Variants in MYLK observed in about 807,000 individuals in gnomAD.
MYLK encodes the protein myosin light chain kinase, smooth muscle.
In MYLK, 106 loss-of-function variants were observed where a neutral mutation model predicts 203.4. That is an observed-to-expected ratio of 0.52 (90% confidence interval 0.45 to 0.61). The LOEUF is 0.61. Among genes scored for constraint, MYLK ranks in the 20% least tolerant of loss-of-function variants. The pLI is 0.00. For synonymous variants in MYLK, 867 were observed against 959.5 expected (o/e 0.90, Z 1.78); for missense variants, 2,072 against 2,442.3 (o/e 0.85, Z 3.20).
intron 2 of MYLK, among the ~76,000 whole-genome samples, chr3:123,859,544 C>T (rs1299296974): frequency 6.6e-6 from 1 of 152,192 alleles, no homozygotes; most frequent in African/African-American, 2.4e-5. Context: ...CTTAATCAGT[C>T]ACAAGCCATG....
At chr3:123,712,107 C>G (rs774268868) in intron 13 of MYLK, among the ~76,000 whole-genome samples, 1 of 152,208 alleles carries the variant, frequency 6.6e-6, no homozygotes, top group Non-Finnish European at 1.5e-5. Context: ...AGATGGGGCT[C>G]TCAGGCCCCT....
At chr3:123,858,705 A>G (rs2031632459) in intron 2 of MYLK, among the ~76,000 whole-genome samples, 1 of 152,186 alleles carries the variant, frequency 6.6e-6, no homozygotes, top group Admixed American at 6.5e-5. Flanking sequence ...GAATGGATTT[A>G]TCCATTCATG....
intron 4 of MYLK, among the ~76,000 whole-genome samples, chr3:123,769,492 T>C (rs1186945405): frequency 6.6e-6 from 1 of 152,252 alleles, no homozygotes; most frequent in Non-Finnish European, 1.5e-5. Context: ...ACACTCAGCA[T>C]GGCCACTTCC....
chr3:123,778,113 T>C (rs1048613819), intron 4 of MYLK, among the ~76,000 whole-genome samples: 1 of 152,090 alleles, frequency 6.6e-6, no homozygotes, highest in South Asian at 2.1e-4. Context: ...TTAATCTATA[T>C]GATGATGCAT....
chr3:123,645,518 C>T (rs189993943), intron 27 of MYLK, among the ~76,000 whole-genome samples: 343 of 152,264 alleles, frequency 2.3e-3, no homozygotes, highest in Middle Eastern at 6.8e-3. Flanking sequence ...ACAGAGACCC[C>T]CCAAGTTCAG....
intron 4 of MYLK, among the ~76,000 whole-genome samples, chr3:123,786,919 G>A (rs1306135685): frequency 2.0e-5 from 3 of 152,100 alleles, no homozygotes; most frequent in Non-Finnish European, 4.4e-5. Context: ...CATTATTAAT[G>A]GTGGCCACCT....
At chr3:123,876,139 G>A (rs1475280794) in intron 2 of MYLK, among the ~76,000 whole-genome samples, 1 of 151,778 alleles carries the variant, frequency 6.6e-6, no homozygotes, top group Non-Finnish European at 1.5e-5. Flanking sequence ...GACTACAGAT[G>A]TAAAAAACCA....
chr3:123,699,979 G>C, intron 18 of MYLK, 41 bp downstream of exon 18: 1 of 1,613,910 alleles, frequency 6.2e-7, no homozygotes, highest in Non-Finnish European at 8.5e-7. Flanking sequence ...AGTGGCCCTG[G>C]TACAGAGGCC....
intron 2 of MYLK, among the ~76,000 whole-genome samples, chr3:123,873,813 T>TA (rs77890285): frequency 0.1 from 15,236 of 152,024 alleles, 1,193 homozygotes; most frequent in East Asian, 0.36. Flanking sequence ...TTTAAATTTT[T>TA]AAAAATCCAT....
chr3:123,690,513 G>A (rs900135487), intron 19 of MYLK, among the ~76,000 whole-genome samples: 10 of 152,192 alleles, frequency 6.6e-5, no homozygotes, highest in African/African-American at 1.2e-4. Context: ...GGCAGGAGAT[G>A]TAGCCTAGCC....
At chr3:123,877,423 A>T (rs1473530838) in intron 1 of MYLK, among the ~76,000 whole-genome samples, 1 of 152,200 alleles carries the variant, frequency 6.6e-6, no homozygotes, top group Non-Finnish European at 1.5e-5. Flanking sequence ...TCCAAGTGTG[A>T]GCTAGTACGG....
At chr3:123,731,366 C>T (rs1353093722) in intron 11 of MYLK, among the ~76,000 whole-genome samples, 2 of 152,166 alleles carry the variant, frequency 1.3e-5, no homozygotes, top group African/African-American at 2.4e-5. Flanking sequence ...CTTTTGTGCT[C>T]TTCCAGAAAT....
At chr3:123,656,007 C>T (rs903488052) in intron 24 of MYLK, among the ~76,000 whole-genome samples, 22 of 152,152 alleles carry the variant, frequency 1.4e-4, no homozygotes, top group Non-Finnish European at 2.6e-4. Context: ...ACTCACTATG[C>T]AAAAAGTCAT....
intron 3 of MYLK, among the ~76,000 whole-genome samples, chr3:123,798,480 T>C (rs2065068915): frequency 6.6e-6 from 1 of 151,898 alleles, no homozygotes; most frequent in Admixed American, 6.6e-5. Flanking sequence ...AGTGGTGAGA[T>C]CCTCCTGGAA....
At chr3:123,809,342 T>C (rs1293008518) in intron 3 of MYLK, among the ~76,000 whole-genome samples, 2 of 152,046 alleles carry the variant, frequency 1.3e-5, no homozygotes, top group Non-Finnish European at 2.9e-5. Context: ...CTGGCCAACA[T>C]GGTGAAACAG....
In MYLK at chr3:123,610,279, T is replaced by G. The variant is rs2057220095; in HGVS notation, c.*3826A>C. On this transcript the variant is annotated 3_prime_UTR_variant, in exon 34 of 34. Coordinates refer to ENST00000360304, the MANE Select transcript of MYLK (RefSeq NM_053025.4). ...CACTTGTGAGTAGTGGCTACCATCCTGGTCACCACACATCCAGAACATGGT... is the reference window on the plus strand; with the variant it reads ...CACTTGTGAGTAGTGGCTACCATCCGGGTCACCACACATCCAGAACATGGT... 1.3e-5 allele frequency: 2 copies of G among 152,228 alleles called. No individual in the cohort carries two copies. Among genetic ancestry groups the G allele is most frequent in the South Asian group, 4.1e-4 (2 of 4,826 alleles). 9.4% of individuals were successfully genotyped at this position (152,228 alleles called of 1,614,324 possible).
At chr3:123,867,967 G>A (rs948831343) in intron 2 of MYLK, among the ~76,000 whole-genome samples, 3 of 152,216 alleles carry the variant, frequency 2.0e-5, no homozygotes, top group African/African-American at 7.2e-5. Flanking sequence ...CATTCCTAGA[G>A]TTTTTAGTAC....
intron 3 of MYLK, among the ~76,000 whole-genome samples, chr3:123,797,970 A>C (rs1403646167): frequency 3.9e-5 from 6 of 152,154 alleles, no homozygotes; most frequent in African/African-American, 1.4e-4. Flanking sequence ...GAGTGAGATG[A>C]CTGGAAAACA....
At chr3:123,868,211 C>T (rs2148704429) in intron 2 of MYLK, among the ~76,000 whole-genome samples, 1 of 152,170 alleles carries the variant, frequency 6.6e-6, no homozygotes, top group South Asian at 2.1e-4. Context: ...TAAATGGGAA[C>T]CATCCTTCTA....
Sources: allele counts gnomAD v4.1 joint callset (sites outside exome capture counted in the v4.1 genomes callset), GRCh38; gene constraint gnomAD v4.1.1; transcripts MANE v1.5; gene names NCBI Gene and HGNC (gene_info 2026-07-23, HGNC 2026-07-21).